GULP1: variants seen among roughly 807,000 people sequenced by gnomAD.
GULP1 encodes PTB domain-containing engulfment adapter protein 1.
Under a neutral mutation model 40.9 loss-of-function variants are expected in GULP1, and 19 were observed. The observed-to-expected ratio is 0.46, with a 90% CI of 0.32 to 0.68. The LOEUF is 0.68. Among genes scored for constraint, GULP1 ranks in the 30% least tolerant of loss-of-function variants. The pLI, the probability that GULP1 is intolerant of heterozygous loss-of-function variation, is 0.03. For missense variants in GULP1, 312 were observed against 362.2 expected (o/e 0.86, Z 1.12); for synonymous variants, 119 against 117.6 (o/e 1.01, Z -0.08).
At chr2:188,323,919 C>A (rs1025636755) in intron 1 of GULP1, among the ~76,000 whole-genome samples, 1 of 151,762 alleles carries the variant, frequency 6.6e-6, no homozygotes, top group African/African-American at 2.4e-5. Context: ...CAGCAAGATA[C>A]TAGACAAGAA....
intron 7 of GULP1, among the ~76,000 whole-genome samples, chr2:188,553,059 T>A (rs1185526700): frequency 2.0e-5 from 3 of 152,062 alleles, no homozygotes; most frequent in South Asian, 2.1e-4. Context: ...TCTTACTAAA[T>A]TCATTTATCA....
intron 4 of GULP1, among the ~76,000 whole-genome samples, chr2:188,486,270 T>C (rs1320544442): frequency 1.3e-5 from 2 of 152,022 alleles, no homozygotes; most frequent in African/African-American, 2.4e-5. Context: ...CATAGGGTAG[T>C]AGATAAATTT....
chr2:188,477,231 C>T (rs2153036193), intron 2 of GULP1, among the ~76,000 whole-genome samples: 1 of 152,174 alleles, frequency 6.6e-6, no homozygotes, highest in South Asian at 2.1e-4. Context: ...TATGTTTTAA[C>T]CACTGCTCCT....
chr2:188,454,758 AT>A (rs144364851), intron 2 of GULP1, among the ~76,000 whole-genome samples: 90 of 152,360 alleles, frequency 5.9e-4, no homozygotes, highest in African/African-American at 2.1e-3. Context: ...TTGTGACGAA[AT>A]CCACATTAGG....
At chr2:188,333,261 T>G (rs2041858683) in intron 1 of GULP1, among the ~76,000 whole-genome samples, 2 of 151,106 alleles carry the variant, frequency 1.3e-5, no homozygotes, top group African/African-American at 2.4e-5. Context: ...AAAAAAAAAT[T>G]TGGCAGGTAT....
intron 3 of GULP1, among the ~76,000 whole-genome samples, chr2:188,482,098 C>G (rs1454893598): frequency 6.6e-6 from 1 of 151,780 alleles, no homozygotes; most frequent in Non-Finnish European, 1.5e-5. Context: ...TATATTCACT[C>G]TAGTAGTCAG....
At chr2:188,380,802 T>C (rs1022478561) in intron 1 of GULP1, among the ~76,000 whole-genome samples, 5 of 152,208 alleles carry the variant, frequency 3.3e-5, no homozygotes, top group African/African-American at 1.2e-4. Context: ...GCCTGACTTC[T>C]CTGTTTTGCT....
intron 2 of GULP1, among the ~76,000 whole-genome samples, chr2:188,453,947 C>A (rs1006530034): frequency 2.0e-5 from 3 of 152,196 alleles, no homozygotes; most frequent in Admixed American, 2.0e-4. Flanking sequence ...CTTGGCTCCC[C>A]AGCCTGGACC....
chr2:188,353,681 G>C (rs1174998373), intron 1 of GULP1, among the ~76,000 whole-genome samples: 1 of 151,848 alleles, frequency 6.6e-6, no homozygotes, highest in East Asian at 1.9e-4. Context: ...TGAATGCCCA[G>C]AGTAGGTATG....
chr2:188,308,556 T>C (rs1371427494), intron 1 of GULP1, among the ~76,000 whole-genome samples: 1 of 152,298 alleles, frequency 6.6e-6, no homozygotes, highest in Non-Finnish European at 1.5e-5. Flanking sequence ...TTACATCTTA[T>C]GTACTGAACT....
Position 188,541,283 on chromosome 2 carries a change from A to C in GULP1, c.364A>C (p.Lys122Gln). 6.2e-7 allele frequency: 1 copy of C among 1,612,840 alleles called. No individual in the cohort carries two copies. The highest frequency in any genetic ancestry group is 8.5e-7 in the Non-Finnish European group (1 of 1,178,876). ...CATATGCAAAGATTCTGAGTCAAAT[A>C]AACATTTGTGCTATGTATTTGACAG... ...TFICKDSESN[K>Q]HLCYVFDSEK... Residue 122 changes from lysine to glutamine, a missense_variant, in exon 7 of 12, where the codon AAA becomes CAA. By Grantham distance (53) the Lys-to-Gln change is moderately conservative. Coordinates refer to ENST00000409830, the MANE Select transcript of GULP1 (RefSeq NM_016315.4).
chr2:188,500,791 C>G (rs1322661683), intron 4 of GULP1, among the ~76,000 whole-genome samples: 1 of 151,868 alleles, frequency 6.6e-6, no homozygotes, highest in African/African-American at 2.4e-5. Flanking sequence ...TTGATACTCC[C>G]TCAATGGGGC....
At chr2:188,574,352 G>T (rs942833411) in intron 9 of GULP1, among the ~76,000 whole-genome samples, 4 of 152,170 alleles carry the variant, frequency 2.6e-5, no homozygotes, top group African/African-American at 9.7e-5. Context: ...GGCTGGGCAT[G>T]GTGGCTCATG....
In GULP1 at chr2:188,420,868, C is replaced by T. The variant is rs183814310; in HGVS notation, c.-45+36979C>T. Among the ~76,000 whole-genome samples the T allele has an allele frequency of 9.4e-4, 143 of 152,154 alleles. 1 individual carries two copies. Among genetic ancestry groups the T allele is most frequent in the Middle Eastern group, 3.4e-3 (1 of 294 alleles). ...GTGGATTGTATCTAGAGTGGTAGCT[C>T]GGTTTTTAGGCTTTAGATTGTCCTT... On this transcript the variant is annotated intron_variant, in intron 2 of 11. Coordinates refer to ENST00000409830, the MANE Select transcript of GULP1 (RefSeq NM_016315.4).
intron 2 of GULP1, among the ~76,000 whole-genome samples, chr2:188,399,643 C>A (rs2051827602): frequency 8.2e-6 from 1 of 122,410 alleles, no homozygotes; most frequent in Non-Finnish European, 1.6e-5. Context: ...TGCTTGAGGC[C>A]AGAACTTTGA....
At chr2:188,461,844 G>T (rs972216766) in intron 2 of GULP1, among the ~76,000 whole-genome samples, 1 of 151,866 alleles carries the variant, frequency 6.6e-6, no homozygotes, top group Non-Finnish European at 1.5e-5. Flanking sequence ...CTTAGTCTGG[G>T]TGAAGGTTTG....
chr2:188,463,311 C>G (rs552786452), intron 2 of GULP1, among the ~76,000 whole-genome samples: 13 of 152,220 alleles, frequency 8.5e-5, no homozygotes, highest in Non-Finnish European at 1.5e-4. Flanking sequence ...ATATTTTTGC[C>G]TTCAGCACTT....
intron 9 of GULP1, among the ~76,000 whole-genome samples, chr2:188,573,993 C>A (rs1224000437): frequency 1.3e-5 from 2 of 152,094 alleles, no homozygotes; most frequent in Non-Finnish European, 2.9e-5. Flanking sequence ...AGGTGTAGTT[C>A]TTTATAAATG....
chr2:188,423,421 AT>A (rs2055729109), intron 2 of GULP1, among the ~76,000 whole-genome samples: 1 of 151,952 alleles, frequency 6.6e-6, no homozygotes, highest in Non-Finnish European at 1.5e-5. Flanking sequence ...TCCAAGTAAT[AT>A]TCTTTTTGCT....
Sources: allele counts gnomAD v4.1 joint callset (sites outside exome capture counted in the v4.1 genomes callset), GRCh38; gene constraint gnomAD v4.1.1; transcripts MANE v1.5; gene names NCBI Gene and HGNC (gene_info 2026-07-23, HGNC 2026-07-21).